The following SNX32 variants were observed in gnomAD, a reference collection of about 807,000 sequenced individuals.
SNX32 encodes sorting nexin-32.
A neutral mutation model predicts 57.0 loss-of-function variants in SNX32; 58 were observed. The observed-to-expected ratio is 1.02, with a 90% confidence interval of 0.82 to 1.27. The LOEUF is 1.27. SNX32 is among the 50% of genes most tolerant of loss of function. The probability of loss-of-function intolerance (pLI) is 0.00; values close to 1 mark genes in which losing one functional copy is unlikely to be tolerated. For missense variants in SNX32, 589 were observed against 541.2 expected, an observed-to-expected ratio of 1.09 and a Z score of -0.88; for synonymous variants, 262 against 220.4, an observed-to-expected ratio of 1.19 and a Z score of -1.67.
intron 1 of SNX32, among the ~76,000 whole-genome samples, chr11:65,834,396 T>C (rs937650824): frequency 1.3e-5 from 2 of 151,244 alleles, no homozygotes; most frequent in Non-Finnish European, 3.0e-5. Flanking sequence ...TTTGTGTGTC[T>C]CTGTGTATCT....
chr11:65,850,987 C>A, intron 6 of SNX32, 68 bp from the exon 7 acceptor site: 2 of 1,525,212 alleles, frequency 1.3e-6, no homozygotes, highest in South Asian at 1.1e-5. Flanking sequence ...TTTTGCCAAC[C>A]CTGGGTGCCT....
At chr11:65,834,161 G>T in intron 1 of SNX32, 60 bp downstream of exon 1, 1 of 1,489,248 alleles carries the variant, frequency 6.7e-7, no homozygotes, top group Non-Finnish European at 9.1e-7. Flanking sequence ...AGCCCGTGAT[G>T]CCCAATCATG....
chr11:65,834,405 CTGTG>C (rs956446722), intron 1 of SNX32, among the ~76,000 whole-genome samples: 12 of 145,330 alleles, frequency 8.3e-5, no homozygotes, highest in South Asian at 6.6e-4. Context: ...CTCTGTGTAT[CTGTG>C]TGTGTGTCTG....
chr11:65,843,966 G>A (rs568415813), intron 1 of SNX32, among the ~76,000 whole-genome samples: 136 of 152,222 alleles, frequency 8.9e-4, no homozygotes, highest in African/African-American at 3.2e-3. Flanking sequence ...AGAAAATGCC[G>A]CTCAACATCA....
chr11:65,847,953 A>G (rs1859048398), intron 1 of SNX32, among the ~76,000 whole-genome samples: 1 of 152,144 alleles, frequency 6.6e-6, no homozygotes, highest in South Asian at 2.1e-4. Flanking sequence ...AACCCTGTAA[A>G]CAGTGGCCAG....
At chr11:65,837,198 A>G (rs1323699561) in intron 1 of SNX32, among the ~76,000 whole-genome samples, 1 of 152,240 alleles carries the variant, frequency 6.6e-6, no homozygotes, top group African/African-American at 2.4e-5. Flanking sequence ...CAAGATGACA[A>G]GTTGGTAGCC....
intron 1 of SNX32, among the ~76,000 whole-genome samples, chr11:65,834,431 G>A (rs1261013857): frequency 2.0e-5 from 3 of 150,390 alleles, no homozygotes; most frequent in Admixed American, 6.6e-5. Context: ...GTGTCTCCGT[G>A]TCTCTGTGTG....
chr11:65,849,416 C>T, intron 1 of SNX32, 62 bp from the exon 2 acceptor site: 1 of 1,315,846 alleles, frequency 7.6e-7, no homozygotes, highest in Non-Finnish European at 1.1e-6. Context: ...AGAAAGCCTG[C>T]AGGGCAAGGA....
At chr11:65,850,364 C>G in intron 4 of SNX32, 67 bp from the exon 5 acceptor site, 1 of 1,612,368 alleles carries the variant, frequency 6.2e-7, no homozygotes, top group East Asian at 2.2e-5. Flanking sequence ...GACCTCTGAC[C>G]CCAGAAAGGG....
Position 65,851,136 on chromosome 11 carries a change from G to T in SNX32, c.685G>T (p.Asp229Tyr). The change falls in exon 7 of 13, where the codon GAC becomes TAC. Residue 229 changes from aspartate to tyrosine, a missense_variant. Transcript: ENST00000308342. Reference protein sequence around the residue: ...TRIRDACLRADRVMRAHKCLA... With the variant: ...TRIRDACLRAYRVMRAHKCLA... ...TATCCGAGATGCCTGCCTGCGGGCCGACCGCGTCATGCGCGCCCACAAGTG... is the reference window on the plus strand; with the variant it reads ...TATCCGAGATGCCTGCCTGCGGGCCTACCGCGTCATGCGCGCCCACAAGTG... 6.2e-7 allele frequency: 1 copy of T among 1,613,004 alleles called. No individual in the cohort carries two copies. Among genetic ancestry groups the T allele is most frequent in the Non-Finnish European group, 8.5e-7 (1 of 1,179,994 alleles).
At chr11:65,852,423 CTCT>C (rs1458510409) in intron 9 of SNX32, 39 bp from the exon 10 acceptor site, 4 of 1,578,616 alleles carry the variant, frequency 2.5e-6, no homozygotes, top group Non-Finnish European at 3.5e-6. Context: ...TTAGCTGCCC[CTCT>C]GACAAGCTCC....
At chr11:65,839,223 G>GTTTTTTTTGTTTTTTTTT (rs755185237) in intron 1 of SNX32, among the ~76,000 whole-genome samples, 2 of 23,078 alleles carry the variant, frequency 8.7e-5, no homozygotes, top group South Asian at 2.0e-3. Flanking sequence ...TAATTTTTTT[G>GTTTTTTTTGTTTTTTTTT]TATTTTTTTT....
At chr11:65,837,387 C>G (rs1858696539) in intron 1 of SNX32, among the ~76,000 whole-genome samples, 7 of 152,128 alleles carry the variant, frequency 4.6e-5, no homozygotes, top group Admixed American at 4.6e-4. Flanking sequence ...TGATGCACAC[C>G]TGTGGTCCCA....
intron 1 of SNX32, among the ~76,000 whole-genome samples, chr11:65,837,817 CAAAAAAAAAA>C (rs774242704): frequency 4.1e-4 from 29 of 71,430 alleles, no homozygotes; most frequent in Non-Finnish European, 5.8e-4. Context: ...AAGACTCTCT[CAAAAAAAAAA>C]AAAAAAAAAA....
chr11:65,834,113 A>C lies in SNX32; in HGVS notation c.36+12A>C. 3 of 1,550,904 alleles carry C rather than the reference A, an allele frequency of 1.9e-6. No homozygotes were observed. Among genetic ancestry groups the C allele is most frequent in the Non-Finnish European group, 2.6e-6 (3 of 1,146,630 alleles). ...GGAAGGAGGGCAAGGTAGAGAAAGG[A>C]TGAAGACCCCCACCCCAGCCTCCCC... is the stretch of plus-strand genomic sequence containing the variant. On this transcript the variant is annotated intron_variant, in intron 1 of 12. Transcript: ENST00000308342.
rs776955754 is a variant in SNX32, at chr11:65,852,938, C to G, written c.1138C>G (p.Leu380Val). The G allele has an allele frequency of 6.2e-7, 1 of 1,614,176 alleles. No homozygotes were observed. The highest frequency in any genetic ancestry group is 1.1e-5 in the South Asian group (1 of 91,086). ...AAAGAATCTCATTGAGCTGGCAGAG[C>G]TGGAGCTCAAACACGCCAAGGTGAG... is the stretch of plus-strand genomic sequence containing the variant. ...FRKNLIELAE[L>V]ELKHAKASTL... Residue 380 changes from leucine (L) to valine (V), a missense_variant, in exon 12 of 13, where the codon CTG (leucine) becomes GTG (valine). Leu to Val is a conservative substitution (Grantham distance 32). Transcript: ENST00000308342.
intron 1 of SNX32, among the ~76,000 whole-genome samples, chr11:65,845,117 G>A (rs1399397887): frequency 1.6e-4 from 22 of 136,252 alleles, no homozygotes; most frequent in Admixed American, 1.4e-3. Context: ...GCAGCATAGC[G>A]AGAACACCCC....
At chr11:65,842,261 A>G (rs922846650) in intron 1 of SNX32, among the ~76,000 whole-genome samples, 1 of 152,232 alleles carries the variant, frequency 6.6e-6, no homozygotes, top group Non-Finnish European at 1.5e-5. Context: ...GCAATTCAAT[A>G]GCAAAAGGAA....
chr11:65,834,652 G>A, intron 1 of SNX32, among the ~76,000 whole-genome samples: 1 of 151,468 alleles, frequency 6.6e-6, no homozygotes, highest in Non-Finnish European at 1.5e-5. Flanking sequence ...GCATCTGTGT[G>A]TGTCTCTGTG....
Sources: gnomAD v4.1 joint callset for allele counts (sites outside exome capture counted in the v4.1 genomes callset) on GRCh38, gnomAD v4.1.1 for gene constraint, MANE v1.5 for transcripts, NCBI Gene and HGNC (gene_info 2026-07-23, HGNC 2026-07-21) for gene names.